Variants in RPH3AL observed in about 807,000 individuals in gnomAD.
RPH3AL encodes rab effector Noc2.
Under a neutral mutation model 43.1 loss-of-function variants are expected in RPH3AL, and 38 were observed. That is an observed-to-expected ratio of 0.88 (90% confidence interval 0.68 to 1.15). The LOEUF is 1.15. Ranked by LOEUF, RPH3AL falls within the 50% of genes most tolerant of loss-of-function variation. The pLI, the probability that RPH3AL is intolerant of heterozygous loss-of-function variation, is 0.00. For synonymous variants in RPH3AL, 189 were observed against 176.3 expected (o/e 1.07, Z -0.57); for missense variants, 462 against 423.2 (o/e 1.09, Z -0.81).
chr17:286,849 T>C (rs1389010795), intron 5 of RPH3AL, among the ~76,000 whole-genome samples: 1 of 152,016 alleles, frequency 6.6e-6, no homozygotes, highest in Admixed American at 6.6e-5. Context: ...TGTTAAACGA[T>C]GAAGCTTCTG....
intron 7 of RPH3AL, among the ~76,000 whole-genome samples, chr17:241,580 GT>G (rs1428871060): frequency 6.6e-6 from 1 of 152,098 alleles, no homozygotes; most frequent in Non-Finnish European, 1.5e-5. Flanking sequence ...CATGCAGAGT[GT>G]TGGGTAAGAG....
chr17:262,672 G>A (rs534086665), intron 6 of RPH3AL, among the ~76,000 whole-genome samples: 9 of 152,264 alleles, frequency 5.9e-5, no homozygotes, highest in Admixed American at 5.2e-4. Context: ...CCCAGCTCTT[G>A]CAGGCGTGCA....
intron 5 of RPH3AL, among the ~76,000 whole-genome samples, chr17:307,572 G>A (rs78495597): frequency 0.022 from 3,422 of 152,294 alleles, 84 homozygotes; most frequent in East Asian, 0.082. Context: ...CCTCAGCCCC[G>A]GGGCCTGGCA....
At chr17:321,056 C>G (rs1567520766) in intron 4 of RPH3AL, among the ~76,000 whole-genome samples, 1 of 152,232 alleles carries the variant, frequency 6.6e-6, no homozygotes, top group Non-Finnish European at 1.5e-5. Context: ...GCAGCCCCGT[C>G]TCACAGAGGG....
At chr17:350,841 T>C (rs561386538) in intron 1 of RPH3AL, among the ~76,000 whole-genome samples, 27 of 152,244 alleles carry the variant, frequency 1.8e-4, no homozygotes, top group African/African-American at 6.0e-4. Context: ...GGCCAAACCA[T>C]AGGGCAGGAA....
intron 3 of RPH3AL, among the ~76,000 whole-genome samples, chr17:326,064 T>C (rs1290460970): frequency 1.3e-5 from 2 of 152,194 alleles, no homozygotes; most frequent in African/African-American, 2.4e-5. Context: ...CTGGGCCCTG[T>C]CGAGAGCACA....
intron 2 of RPH3AL, chr17:332,065 G>A: frequency 2.7e-6 from 1 of 376,298 alleles, no homozygotes; most frequent in South Asian, 2.0e-5. Flanking sequence ...AGGTTTTGTG[G>A]ACATGGTTGA....
chr17:333,316 T>C lies in RPH3AL; in HGVS notation c.-37+443A>G. On this transcript the variant is annotated intron_variant, in intron 2 of 9. Transcript: ENST00000331302. The surrounding 1 kb of genome is among the most constrained non-coding windows in gnomAD (Gnocchi z 4.5). The stretch of plus-strand genomic sequence containing the variant: ...CTGGGGGCGGTAGGATATTTTATCC[T>C]AAAGAGAAAACACCTTAAATTCTCA... 7.8e-7 allele frequency: 1 copy of C among 1,282,604 alleles called. No individual in the cohort carries two copies. The highest frequency in any genetic ancestry group is 1.0e-6 in the Non-Finnish European group (1 of 984,540). 79.5% of individuals were successfully genotyped at this position (1,282,604 alleles called of 1,614,324 possible).
chr17:244,931 C>T (rs891899678), intron 7 of RPH3AL, among the ~76,000 whole-genome samples: 31 of 151,636 alleles, frequency 2.0e-4, no homozygotes, highest in African/African-American at 6.8e-4. Context: ...ATGAGTGTAA[C>T]GCTAGTGTGT....
chr17:265,293 G>A (rs1442898889), intron 6 of RPH3AL, among the ~76,000 whole-genome samples: 9 of 152,150 alleles, frequency 5.9e-5, no homozygotes, highest in South Asian at 2.1e-4. Flanking sequence ...ATGAGATTTC[G>A]CCATTTTGCC....
chr17:351,682 C>G (rs2045356544), intron 1 of RPH3AL, among the ~76,000 whole-genome samples: 1 of 152,158 alleles, frequency 6.6e-6, no homozygotes, highest in Non-Finnish European at 1.5e-5. Flanking sequence ...CGATTCTTTA[C>G]TTAATATTTC....
intron 6 of RPH3AL, among the ~76,000 whole-genome samples, chr17:253,250 C>A (rs1221775373): frequency 2.0e-5 from 3 of 152,170 alleles, no homozygotes; most frequent in African/African-American, 7.2e-5. Context: ...CACCTCACGC[C>A]CAGCCAGTCA....
chr17:315,898 A>ACTCCGC (rs2044113356), intron 5 of RPH3AL, among the ~76,000 whole-genome samples: 1 of 71,504 alleles, frequency 1.4e-5, no homozygotes, highest in African/African-American at 6.2e-5. Context: ...AGTCCCTGTG[A>ACTCCGC]CTCCACCTCC....
In RPH3AL at chr17:332,865, C is replaced by T. The variant is rs374875413; in HGVS notation, c.-37+894G>A. 17 of 534,050 alleles carry T rather than the reference C, an allele frequency of 3.2e-5. No homozygotes were observed. In the East Asian group the frequency reaches 8.4e-4, roughly 26 times the overall value. 33.1% of individuals were successfully genotyped at this position (534,050 alleles called of 1,614,324 possible). A position where few individuals can be genotyped will look rare whatever the true frequency, so the allele number is the denominator to read the frequency against. On this transcript the variant is annotated intron_variant, in intron 2 of 9. Coordinates refer to ENST00000331302, the MANE Select transcript of RPH3AL (RefSeq NM_006987.4). ...GAGCAGAGGCAGCACTCGGGCTGGCCGGCCCAGCAGGCAGATGTTCCGGAA... is the reference window on the plus strand; with the variant it reads ...GAGCAGAGGCAGCACTCGGGCTGGCTGGCCCAGCAGGCAGATGTTCCGGAA...
chr17:275,339 G>A lies in RPH3AL; in HGVS notation c.438+6429C>T, dbSNP rs79980220. Among the ~76,000 whole-genome samples the A allele has an allele frequency of 4.9e-3, 750 of 152,002 alleles. 6 individuals carry two copies. The highest frequency in any genetic ancestry group is 0.016 in the African/African-American group (663 of 41,400). On this transcript the variant is annotated intron_variant, in intron 6 of 9. Coordinates refer to ENST00000331302, the MANE Select transcript of RPH3AL (RefSeq NM_006987.4). ...ACAATGGGATATAGACCACAGTGAT[G>A]GGAATGAATACAGCTACACACATCA...
intron 2 of RPH3AL, 105 bp from the exon 3 acceptor site, chr17:327,684 C>T (rs370127579): frequency 3.5e-5 from 23 of 665,508 alleles, no homozygotes; most frequent in Middle Eastern, 3.1e-4. Flanking sequence ...TCTCCATGCA[C>T]GATCCCCACT....
At chr17:337,472 C>T (rs1169963193) in intron 1 of RPH3AL, among the ~76,000 whole-genome samples, 1 of 152,216 alleles carries the variant, frequency 6.6e-6, no homozygotes, top group Non-Finnish European at 1.5e-5. Flanking sequence ...CTTAACCTGC[C>T]TCTTTCCCTC....
intron 5 of RPH3AL, among the ~76,000 whole-genome samples, chr17:285,476 GGTTAGTGCA>G (rs2042885505): frequency 6.6e-6 from 1 of 152,204 alleles, no homozygotes; most frequent in African/African-American, 2.4e-5. Flanking sequence ...TGCCAGCTGC[GGTTAGTGCA>G]GCCCCTCGTA....
intron 6 of RPH3AL, among the ~76,000 whole-genome samples, chr17:273,415 TGAGACCCCGGCGAGGGCGACGTCAGGAA>T (rs2042567799): frequency 2.1e-3 from 2 of 944 alleles, no homozygotes; most frequent in African/African-American, 3.7e-3. Context: ...GACGTCAGGG[TGAGACCCCGGCGAGGGCGACGTCAGGAA>T]GAGACCCCAG....
Sources: allele counts gnomAD v4.1 joint callset (sites outside exome capture counted in the v4.1 genomes callset), GRCh38; gene constraint gnomAD v4.1.1; non-coding constraint Gnocchi (gnomAD v3.1); transcripts MANE v1.5; gene names NCBI Gene and HGNC (gene_info 2026-07-23, HGNC 2026-07-21).